Variants in CAMTA1 observed in about 807,000 individuals in gnomAD.
CAMTA1 encodes the protein calmodulin-binding transcription activator 1.
In CAMTA1, 27 loss-of-function variants were observed where a neutral mutation model predicts 170.9. The observed-to-expected ratio is 0.16, with a 90% confidence interval of 0.12 to 0.22. CAMTA1 has a LOEUF of 0.22. Ranked by LOEUF, CAMTA1 falls within the 10% of genes least tolerant of loss-of-function variation. The pLI, the probability that CAMTA1 is intolerant of heterozygous loss-of-function variation, is 1.00. For synonymous variants in CAMTA1, 833 were observed against 891.5 expected (o/e 0.93, Z 1.17); for missense variants, 1,619 against 2,217.2 (o/e 0.73, Z 5.42).
intron 6 of CAMTA1, among the ~76,000 whole-genome samples, chr1:7,617,355 G>A (rs2095565972): frequency 6.6e-6 from 1 of 152,210 alleles, no homozygotes; most frequent in African/African-American, 2.4e-5. Flanking sequence ...GAGACCGGAG[G>A]AGGACTTCAG....
At chr1:7,205,732 ATCTTT>A (rs1422741753) in intron 4 of CAMTA1, among the ~76,000 whole-genome samples, 4 of 152,144 alleles carry the variant, frequency 2.6e-5, no homozygotes, top group African/African-American at 9.6e-5. Flanking sequence ...CTGTTCATCA[ATCTTT>A]TCTTTTACTG....
rs1394034781 is a variant in CAMTA1 at position 7,664,833 on chromosome 1, G to A, written c.2286G>A (p.Leu762=). 1.2e-6 allele frequency: 2 copies of A among 1,613,518 alleles called. No homozygotes were observed. Among genetic ancestry groups the A allele is most frequent in the Non-Finnish European group, 1.7e-6 (2 of 1,180,024 alleles). Residue 762 remains leucine, a synonymous_variant, in exon 9 of 23, where the codon CTG becomes CTA. Coordinates refer to ENST00000303635, the MANE Select transcript of CAMTA1 (RefSeq NM_015215.4). ...LGNASNMELS[L]DHFDISFSNQ... Reference sequence around the variant, plus strand: ...ACGCCTCCAACATGGAGCTCAGCCTGGACCACTTTGACATCTCCTTCAGCA... The same window carrying A: ...ACGCCTCCAACATGGAGCTCAGCCTAGACCACTTTGACATCTCCTTCAGCA...
At chr1:6,844,111 T>A (rs1446975221) in intron 3 of CAMTA1, among the ~76,000 whole-genome samples, 1 of 152,140 alleles carries the variant, frequency 6.6e-6, no homozygotes, top group Admixed American at 6.5e-5. Context: ...CTCACAAACA[T>A]AATGTTGAGA....
chr1:7,265,538 T>C (rs1574303752), intron 5 of CAMTA1, among the ~76,000 whole-genome samples: 2 of 152,122 alleles, frequency 1.3e-5, no homozygotes, highest in South Asian at 4.1e-4. Context: ...GGTCTCGAAC[T>C]CCTGACCTCA....
At chr1:6,872,769 T>C (rs1668760420) in intron 3 of CAMTA1, among the ~76,000 whole-genome samples, 1 of 152,194 alleles carries the variant, frequency 6.6e-6, no homozygotes, top group Admixed American at 6.5e-5. Context: ...TTAGAAATCA[T>C]GTCCTTAAAA....
chr1:7,330,327 G>A (rs1053363134), intron 5 of CAMTA1, among the ~76,000 whole-genome samples: 3 of 152,186 alleles, frequency 2.0e-5, no homozygotes, highest in African/African-American at 2.4e-5. Context: ...GATTCAGCCC[G>A]CTCTTGTTTG....
intron 5 of CAMTA1, among the ~76,000 whole-genome samples, chr1:7,288,059 A>G (rs905653672): frequency 6.6e-6 from 1 of 152,332 alleles, no homozygotes; most frequent in Non-Finnish European, 1.5e-5. Context: ...TTAATTTTCT[A>G]GAGAACCCCA....
chr1:7,356,276 C>T (rs2085104027), intron 5 of CAMTA1, among the ~76,000 whole-genome samples: 1 of 152,218 alleles, frequency 6.6e-6, no homozygotes, highest in Non-Finnish European at 1.5e-5. Context: ...TTCCTGGGGC[C>T]TCTGTGGAGG....
chr1:6,793,711 T>C (rs761288794), intron 1 of CAMTA1, among the ~76,000 whole-genome samples: 70 of 151,838 alleles, frequency 4.6e-4, no homozygotes, highest in Non-Finnish European at 8.5e-4. Context: ...TCTTTCAACG[T>C]AGAGAGAGAG....
At chr1:7,084,667 C>T (rs1343906512) in intron 3 of CAMTA1, among the ~76,000 whole-genome samples, 2 of 152,258 alleles carry the variant, frequency 1.3e-5, no homozygotes, top group African/African-American at 2.4e-5. Flanking sequence ...GAGGGTGCAG[C>T]GGGGTGGCTG....
chr1:6,804,937 C>A (rs1379957249), intron 1 of CAMTA1, among the ~76,000 whole-genome samples: 5 of 152,160 alleles, frequency 3.3e-5, no homozygotes, highest in African/African-American at 1.2e-4. Flanking sequence ...AGTTAATAGA[C>A]ATTTGAGTTA....
intron 4 of CAMTA1, among the ~76,000 whole-genome samples, chr1:7,175,667 C>T (rs1420387005): frequency 2.0e-5 from 3 of 152,244 alleles, no homozygotes; most frequent in South Asian, 2.1e-4. Flanking sequence ...CCGCTTGAAG[C>T]GGGGTATCCC....
At chr1:7,462,307 C>G (rs2093109220) in intron 5 of CAMTA1, among the ~76,000 whole-genome samples, 1 of 152,140 alleles carries the variant, frequency 6.6e-6, no homozygotes, top group Admixed American at 6.5e-5. Context: ...ACTCTGTTGC[C>G]CAGGCTGGAG....
intron 6 of CAMTA1, among the ~76,000 whole-genome samples, chr1:7,560,634 G>A (rs1226356938): frequency 6.6e-6 from 1 of 152,184 alleles, no homozygotes; most frequent in Admixed American, 6.5e-5. Context: ...CGGGCCAGGG[G>A]AGTATGCTGT....
At chr1:7,295,185 T>A (rs1673748202) in intron 5 of CAMTA1, among the ~76,000 whole-genome samples, 1 of 152,192 alleles carries the variant, frequency 6.6e-6, no homozygotes, top group Non-Finnish European at 1.5e-5. Context: ...TAATGGCATC[T>A]GCCTCCCTGG....
At chr1:7,644,231 G>T (rs989152568) in intron 7 of CAMTA1, among the ~76,000 whole-genome samples, 10 of 152,080 alleles carry the variant, frequency 6.6e-5, no homozygotes. Flanking sequence ...ATCCCATCCT[G>T]GTCCTTGCAG....
intron 1 of CAMTA1, among the ~76,000 whole-genome samples, chr1:6,786,019 C>T (rs150101388): frequency 1.3e-5 from 2 of 151,672 alleles, no homozygotes; most frequent in Non-Finnish European, 3.0e-5. Flanking sequence ...TCCTCCTGGC[C>T]CCGCGCCCCA....
intron 6 of CAMTA1, among the ~76,000 whole-genome samples, chr1:7,514,307 T>G (rs1387680138): frequency 6.6e-6 from 1 of 152,212 alleles, no homozygotes; most frequent in Admixed American, 6.5e-5. Context: ...CAAAGAGCAG[T>G]TGCCCAAACA....
intron 3 of CAMTA1, among the ~76,000 whole-genome samples, chr1:6,949,284 A>ACAGG (rs1688059724): frequency 6.6e-6 from 1 of 152,246 alleles, no homozygotes; most frequent in Non-Finnish European, 1.5e-5. Flanking sequence ...AGTTTCTAGC[A>ACAGG]GATAGGGCTG....
Sources: allele counts gnomAD v4.1 joint callset (sites outside exome capture counted in the v4.1 genomes callset), GRCh38; gene constraint gnomAD v4.1.1; transcripts MANE v1.5; gene names NCBI Gene and HGNC (gene_info 2026-07-23, HGNC 2026-07-21).